HS3ST4: variants seen among roughly 807,000 people sequenced by gnomAD.
HS3ST4 encodes heparan sulfate glucosamine 3-O-sulfotransferase 4.
A neutral mutation model predicts 29.2 loss-of-function variants in HS3ST4; 17 were observed. That is an observed-to-expected ratio of 0.58 (90% confidence interval 0.40 to 0.87). The LOEUF (loss-of-function observed/expected upper bound fraction) is 0.87. Among genes scored for constraint, HS3ST4 ranks in the 40% least tolerant of loss-of-function variants. The pLI, the probability that HS3ST4 is intolerant of heterozygous loss-of-function variation, is 0.00. For synonymous variants in HS3ST4, 314 were observed against 285.7 expected (o/e 1.10, Z -1.00); for missense variants, 627 against 634.5 (o/e 0.99, Z 0.13).
chr16:25,946,235 G>A (rs1449475617), intron 1 of HS3ST4, among the ~76,000 whole-genome samples: 1 of 152,216 alleles, frequency 6.6e-6, no homozygotes, highest in African/African-American at 2.4e-5. Flanking sequence ...TTACAGTGCA[G>A]ATGTTGAGGG....
chr16:26,119,783 G>C (rs1899247838), intron 1 of HS3ST4, among the ~76,000 whole-genome samples: 1 of 152,136 alleles, frequency 6.6e-6, no homozygotes, highest in African/African-American at 2.4e-5. Context: ...CATGCTGGGA[G>C]CACACAAACT....
intron 1 of HS3ST4, among the ~76,000 whole-genome samples, chr16:25,748,527 G>A (rs773396128): frequency 9.9e-5 from 15 of 152,086 alleles, no homozygotes; most frequent in Admixed American, 2.0e-4. Context: ...AGAATCCTCT[G>A]GAAATCTCAG....
intron 1 of HS3ST4, among the ~76,000 whole-genome samples, chr16:25,847,572 A>G (rs1273534163): frequency 6.6e-6 from 1 of 152,164 alleles, no homozygotes; most frequent in Non-Finnish European, 1.5e-5. Flanking sequence ...CTAATTCTTT[A>G]TTTTAATTGA....
In HS3ST4 at chr16:25,697,155, A is replaced by G. The variant is rs142518782; in HGVS notation, c.734+4004A>G. On this transcript the variant is annotated intron_variant, in intron 1 of 1. Transcript: ENST00000331351. ...ATATCTACCATATGCCGTGCACTGT[A>G]TTAGGTACTGGGGATAAAATGGTGA... Among the ~76,000 whole-genome samples the G allele has an allele frequency of 1.0e-3, 155 of 152,340 alleles. 2 individuals are homozygous for G. In the East Asian group the frequency reaches 0.028, roughly 27 times the overall value.
intron 1 of HS3ST4, among the ~76,000 whole-genome samples, chr16:25,915,780 C>A (rs1968287808): frequency 1.3e-5 from 2 of 151,936 alleles, no homozygotes; most frequent in Non-Finnish European, 2.9e-5. Flanking sequence ...GACAGGGTGG[C>A]AGTACAGCAT....
chr16:25,731,619 G>A (rs758285837), intron 1 of HS3ST4, among the ~76,000 whole-genome samples: 5 of 152,170 alleles, frequency 3.3e-5, no homozygotes, highest in African/African-American at 1.2e-4. Flanking sequence ...GGGATTACAG[G>A]TGTGAGCCAC....
At chr16:25,712,118 A>G (rs1260752511) in intron 1 of HS3ST4, among the ~76,000 whole-genome samples, 5 of 152,188 alleles carry the variant, frequency 3.3e-5, no homozygotes, top group South Asian at 2.1e-4. Context: ...TCATACCTCA[A>G]TAAAGCTGGG....
intron 1 of HS3ST4, among the ~76,000 whole-genome samples, chr16:26,107,315 A>G (rs996359189): frequency 4.6e-5 from 7 of 151,658 alleles, no homozygotes; most frequent in African/African-American, 1.7e-4. Flanking sequence ...GTGTGTATAT[A>G]TATATAAAAT....
chr16:26,132,889 TTATAA>T (rs1397471563), intron 1 of HS3ST4, among the ~76,000 whole-genome samples: 1 of 152,198 alleles, frequency 6.6e-6, no homozygotes, highest in Non-Finnish European at 1.5e-5. Flanking sequence ...TCTAATATTT[TTATAA>T]TATGATATGA....
intron 1 of HS3ST4, among the ~76,000 whole-genome samples, chr16:26,110,115 T>A (rs1432712526): frequency 6.6e-6 from 1 of 152,180 alleles, no homozygotes; most frequent in Non-Finnish European, 1.5e-5. Context: ...CAGTTTTTTT[T>A]AGATTCTACA....
intron 1 of HS3ST4, among the ~76,000 whole-genome samples, chr16:25,786,883 C>A (rs1966858473): frequency 6.6e-6 from 1 of 152,344 alleles, no homozygotes; most frequent in Non-Finnish European, 1.5e-5. Flanking sequence ...GAGGGGGATG[C>A]TGTCAGCAGC....
intron 1 of HS3ST4, among the ~76,000 whole-genome samples, chr16:26,098,642 G>A (rs1397525995): frequency 1.3e-5 from 2 of 152,024 alleles, no homozygotes; most frequent in Non-Finnish European, 2.9e-5. Context: ...TAAATGACGA[G>A]TTGATGGGTG....
At chr16:25,767,913 T>A (rs1330607588) in intron 1 of HS3ST4, among the ~76,000 whole-genome samples, 1 of 152,210 alleles carries the variant, frequency 6.6e-6, no homozygotes, top group Non-Finnish European at 1.5e-5. Flanking sequence ...ATTCCTAATA[T>A]GCTGTGTCCC....
At chr16:25,959,643 A>C (rs1205546602) in intron 1 of HS3ST4, among the ~76,000 whole-genome samples, 2 of 152,130 alleles carry the variant, frequency 1.3e-5, no homozygotes, top group Non-Finnish European at 2.9e-5. Context: ...GGAACACAGA[A>C]AGCGTACATC....
chr16:25,983,869 A>G (rs968565051), intron 1 of HS3ST4, among the ~76,000 whole-genome samples: 5 of 151,484 alleles, frequency 3.3e-5, no homozygotes, highest in Admixed American at 1.3e-4. Flanking sequence ...TGGGGGTTGC[A>G]TGGCAGCTTC....
At chr16:25,835,893 C>T (rs539528726) in intron 1 of HS3ST4, among the ~76,000 whole-genome samples, 2 of 152,246 alleles carry the variant, frequency 1.3e-5, no homozygotes, top group Admixed American at 6.5e-5. Flanking sequence ...GACGCTGGCT[C>T]ACTGAAGCAG....
At chr16:25,864,713 C>CA (rs1259153151) in intron 1 of HS3ST4, among the ~76,000 whole-genome samples, 9 of 151,970 alleles carry the variant, frequency 5.9e-5, no homozygotes, top group African/African-American at 2.2e-4. Flanking sequence ...TCTCAAGTAA[C>CA]AGAGTTTCCT....
intron 1 of HS3ST4, among the ~76,000 whole-genome samples, chr16:25,774,304 C>T (rs1222319384): frequency 6.6e-6 from 1 of 152,226 alleles, no homozygotes; most frequent in Non-Finnish European, 1.5e-5. Flanking sequence ...ATGTGCCAGG[C>T]ACTTCCTTAG....
intron 1 of HS3ST4, among the ~76,000 whole-genome samples, chr16:26,062,471 G>A (rs531242435): frequency 5.9e-5 from 9 of 152,284 alleles, no homozygotes; most frequent in South Asian, 2.1e-4. Context: ...AATGAGGACC[G>A]ACTTTGCCTT....
Sources: gnomAD v4.1 joint callset for allele counts (sites outside exome capture counted in the v4.1 genomes callset) on GRCh38, gnomAD v4.1.1 for gene constraint, MANE v1.5 for transcripts, NCBI Gene and HGNC (gene_info 2026-07-23, HGNC 2026-07-21) for gene names.